The following AKAIN1 variants were observed in gnomAD, a reference collection of about 807,000 sequenced individuals.
The protein encoded by AKAIN1 is A-kinase anchor protein inhibitor 1.
A neutral mutation model predicts 3.7 loss-of-function variants in AKAIN1; 3 were observed. The ratio of observed to expected loss-of-function variants is 0.82; its 90% CI spans 0.37 to 2.12. The LOEUF is 2.12. Ranked by LOEUF, AKAIN1 falls within the 30% of genes most tolerant of loss-of-function variation. The pLI, the probability that AKAIN1 is intolerant of heterozygous loss-of-function variation, is 0.06. For synonymous variants in AKAIN1, 31 were observed against 30.8 expected (o/e 1.01, Z -0.02); for missense variants, 82 against 82.7 (o/e 0.99, Z 0.03).
At chr18:5,196,894 C>T in intron 1 of AKAIN1, 144 bp downstream of exon 1, 1 of 753,050 alleles carries the variant, frequency 1.3e-6, no homozygotes, top group Non-Finnish European at 2.3e-6. Context: ...CGCGCCGAGG[C>T]ACTCCTCCGC....
At chr18:5,146,456 T>A (rs2143302870) in intron 1 of AKAIN1, among the ~76,000 whole-genome samples, 1 of 152,334 alleles carries the variant, frequency 6.6e-6, no homozygotes, top group Middle Eastern at 3.4e-3. Context: ...AATCCAACAT[T>A]ATTCAGGTTT....
intron 1 of AKAIN1, among the ~76,000 whole-genome samples, chr18:5,190,013 T>A (rs893866311): frequency 1.3e-5 from 2 of 152,192 alleles, no homozygotes; most frequent in Non-Finnish European, 2.9e-5. Flanking sequence ...TTTATTTGGC[T>A]CACGATTCTG....
At chr18:5,167,313 G>A (rs2071172792) in intron 1 of AKAIN1, among the ~76,000 whole-genome samples, 1 of 152,020 alleles carries the variant, frequency 6.6e-6, no homozygotes. Context: ...CAACCAGCAG[G>A]CTTCCTTTCA....
intron 1 of AKAIN1, among the ~76,000 whole-genome samples, chr18:5,153,887 C>T (rs371828286): frequency 4.6e-5 from 7 of 151,360 alleles, no homozygotes; most frequent in East Asian, 3.9e-4. Flanking sequence ...AAGGGGGAGG[C>T]TGTGAATGTG....
intron 1 of AKAIN1, among the ~76,000 whole-genome samples, chr18:5,176,739 T>C (rs1045200579): frequency 3.9e-5 from 6 of 152,136 alleles, no homozygotes; most frequent in African/African-American, 1.4e-4. Context: ...ACTGTAGGTG[T>C]TTCTCAAGCA....
intron 1 of AKAIN1, among the ~76,000 whole-genome samples, chr18:5,168,513 C>G (rs150830804): frequency 1.3e-5 from 2 of 152,046 alleles, no homozygotes; most frequent in African/African-American, 4.8e-5. Flanking sequence ...AAACTCATGC[C>G]CATTCCTCCT....
At chr18:5,153,611 A>G (rs191607091) in intron 1 of AKAIN1, among the ~76,000 whole-genome samples, 1 of 152,386 alleles carries the variant, frequency 6.6e-6, no homozygotes, top group East Asian at 1.9e-4. Context: ...TGACTACTTC[A>G]TACTGCACAC....
Position 5,144,006 on chromosome 18 carries a change from T to A in AKAIN1, c.*1556A>T, listed in dbSNP as rs1028857533. Among the ~76,000 whole-genome samples, 1 of 152,230 alleles carries A rather than the reference T, an allele frequency of 6.6e-6. No homozygotes were observed. Among genetic ancestry groups the A allele is most frequent in the African/African-American group, 2.4e-5 (1 of 41,462 alleles). ...ATCACATCAGTTATATGACTTTTGGTCGACTTAAACTCACTCTTCACTTGG... is the reference window on the plus strand; with the variant it reads ...ATCACATCAGTTATATGACTTTTGGACGACTTAAACTCACTCTTCACTTGG... On this transcript the variant is annotated 3_prime_UTR_variant, in exon 2 of 2. Transcript: ENST00000434239.
chr18:5,172,661 TTCTATA>T (rs2071204480), intron 1 of AKAIN1, among the ~76,000 whole-genome samples: 1 of 138,160 alleles, frequency 7.2e-6, no homozygotes, highest in Admixed American at 7.5e-5. Context: ...AGGAATAAAG[TTCTATA>T]TCAGAAAATA....
chr18:5,197,617 TC>T (rs777599542), upstream of AKAIN1: 8 of 467,870 alleles, frequency 1.7e-5, no homozygotes, highest in African/African-American at 1.2e-4. The surrounding 1 kb of genome is among the most constrained non-coding windows in gnomAD (Gnocchi z 6.9). Context: ...GTCCTGGAGG[TC>T]CGTGAGTCCT....
chr18:5,164,984 T>C (rs1047877373), intron 1 of AKAIN1, among the ~76,000 whole-genome samples: 2 of 152,072 alleles, frequency 1.3e-5, no homozygotes, highest in Non-Finnish European at 2.9e-5. Flanking sequence ...TTTTCCTCTA[T>C]GATTTGAATT....
chr18:5,170,895 C>T (rs943437305), intron 1 of AKAIN1: 5 of 152,288 alleles, frequency 3.3e-5, no homozygotes, highest in African/African-American at 1.2e-4. Context: ...GCAAGTGTTC[C>T]AATCAACAGA....
At chr18:5,189,457 T>G (rs1220761032) in intron 1 of AKAIN1, among the ~76,000 whole-genome samples, 4 of 152,168 alleles carry the variant, frequency 2.6e-5, no homozygotes, top group African/African-American at 9.7e-5. Flanking sequence ...AATTATAAAT[T>G]TTGTCTTTAA....
rs2071039307 is a variant in AKAIN1 at position 5,144,778 on chromosome 18, T to C, written c.*784A>G. ...CAGCTGTTGAAGAAATCTACACTTC[T>C]AGCCATTCTCCATGAGGCTGCTAAG... On this transcript the variant is annotated 3_prime_UTR_variant, in exon 2 of 2. Coordinates refer to ENST00000434239, the MANE Select transcript of AKAIN1 (RefSeq NM_001145194.2). 6.6e-6 allele frequency among the ~76,000 whole-genome samples: 1 copy of C among 152,220 alleles called. No homozygotes were observed. The highest frequency in any genetic ancestry group is 1.5e-5 in the Non-Finnish European group (1 of 68,032).
intron 1 of AKAIN1, among the ~76,000 whole-genome samples, chr18:5,151,674 C>A (rs1218777861): frequency 6.6e-6 from 1 of 152,144 alleles, no homozygotes; most frequent in Non-Finnish European, 1.5e-5. Context: ...AAGAGTCACC[C>A]CTGACTCTAC....
At chr18:5,152,306 T>C (rs1373013061) in intron 1 of AKAIN1, among the ~76,000 whole-genome samples, 1 of 152,184 alleles carries the variant, frequency 6.6e-6, no homozygotes, top group Non-Finnish European at 1.5e-5. Context: ...AGAACCCAAA[T>C]TCTAGCAAAA....
At chr18:5,195,987 T>C (rs981197707) in intron 1 of AKAIN1, among the ~76,000 whole-genome samples, 1 of 152,138 alleles carries the variant, frequency 6.6e-6, no homozygotes, top group African/African-American at 2.4e-5. Context: ...CAAGTTTTGC[T>C]AATTGAATTT....
chr18:5,143,429 C>T lies in AKAIN1; in HGVS notation c.*2133G>A, dbSNP rs1276604573. Among the ~76,000 whole-genome samples, 3 of 152,114 alleles carry T rather than the reference C, an allele frequency of 2.0e-5. No homozygotes were observed. The highest frequency in any genetic ancestry group is 7.2e-5 in the African/African-American group (3 of 41,406). Reference sequence around the variant, plus strand: ...ATGGCAGACACTCTACCTTCCAGACCCACTTACCTTGAATTTTTTAGATCA... The same window carrying T: ...ATGGCAGACACTCTACCTTCCAGACTCACTTACCTTGAATTTTTTAGATCA... On this transcript the variant is annotated 3_prime_UTR_variant, in exon 2 of 2. Transcript: ENST00000434239.
At chr18:5,160,366 T>C (rs1048651455) in intron 1 of AKAIN1, among the ~76,000 whole-genome samples, 2 of 152,228 alleles carry the variant, frequency 1.3e-5, no homozygotes, top group African/African-American at 2.4e-5. Flanking sequence ...CAGAGATTGA[T>C]TTATGATGAC....
Sources: gnomAD v4.1 joint callset for allele counts (sites outside exome capture counted in the v4.1 genomes callset) on GRCh38, gnomAD v4.1.1 for gene constraint, Gnocchi (gnomAD v3.1) non-coding constraint, MANE v1.5 for transcripts, NCBI Gene and HGNC (gene_info 2026-07-23, HGNC 2026-07-21) for gene names.